THAP9: variants seen among roughly 807,000 people sequenced by gnomAD.
The protein encoded by THAP9 is THAP domain containing 9, also known as DNA transposase THAP9.
THAP9 carries 20 observed loss-of-function variants against 35.7 expected under a neutral mutation model. The ratio of observed to expected loss-of-function variants is 0.56; its 90% CI spans 0.39 to 0.81. The LOEUF is 0.81. Ranked by LOEUF, THAP9 falls within the 40% of genes least tolerant of loss-of-function variation. The probability of loss-of-function intolerance (pLI) is 0.00; values close to 1 mark genes in which losing one functional copy is unlikely to be tolerated. For missense variants in THAP9, 870 were observed against 1,047.4 expected (o/e 0.83, Z 2.34); for synonymous variants, 335 against 373.7 (o/e 0.90, Z 1.19).
In THAP9 at chr4:82,918,146, A is replaced by G. The variant is rs546664444; in HGVS notation, c.1934A>G (p.Tyr645Cys). ...QKAYYNLETR[Y>C]KFQDEVFLSK... ...GCTTACTATAATTTGGAGACCAGAT[A>G]CAAATTTCAAGATGAAGTTTTTCTA... The change falls in exon 5 of 5, where the codon TAC becomes TGC. Residue 645 changes from tyrosine (Y) to cysteine (C), a missense_variant. Coordinates refer to ENST00000302236, the MANE Select transcript of THAP9 (RefSeq NM_024672.6). 1.9e-5 allele frequency: 31 copies of G among 1,614,200 alleles called. No individual in the cohort carries two copies. The South Asian group carries it at 3.2e-4, about 17-fold the overall frequency.
intron 1 of THAP9, among the ~76,000 whole-genome samples, chr4:82,902,878 C>A (rs1486925378): frequency 6.6e-6 from 1 of 152,220 alleles, no homozygotes; most frequent in Non-Finnish European, 1.5e-5. Flanking sequence ...TACACTCTTA[C>A]TACAGCCCTG....
intron 3 of THAP9, among the ~76,000 whole-genome samples, chr4:82,907,340 C>T (rs1467326524): frequency 7.6e-6 from 1 of 131,330 alleles, no homozygotes; most frequent in Admixed American, 8.8e-5. Flanking sequence ...GGAATCCCCA[C>T]CAGGAACAGA....
Position 82,917,880 on chromosome 4 carries a change from A to G in THAP9, c.1668A>G (p.Thr556=), listed in dbSNP as rs1300199686. ...TTGAAGCCAAGACTATTTTTGTTAC[A>G]TTATCTGACACTAGCAATAATCAAA... The part of the protein sequence containing the change: ...VLIEAKTIFV[T]LSDTSNNQII... Residue 556 remains threonine (T), a synonymous_variant, in exon 5 of 5, where the codon ACA becomes ACG. Coordinates refer to ENST00000302236, the MANE Select transcript of THAP9 (RefSeq NM_024672.6). 3.1e-6 allele frequency: 5 copies of G among 1,613,296 alleles called. No homozygotes were observed. In the Admixed American group the frequency reaches 5.0e-5, roughly 16 times the overall value.
chr4:82,906,292 A>G (rs1720642380), intron 2 of THAP9, 32 bp from the exon 3 acceptor site: 1 of 1,494,138 alleles, frequency 6.7e-7, no homozygotes, highest in South Asian at 1.3e-5. Context: ...GATTATTTCT[A>G]AAATAACTTT....
In THAP9 at chr4:82,918,557, A is replaced by C. The variant is rs756901303; in HGVS notation, c.2345A>C (p.His782Pro). 2 of 1,614,068 alleles carry C rather than the reference A, an allele frequency of 1.2e-6. No individual in the cohort carries two copies. Among genetic ancestry groups the C allele is most frequent in the South Asian group, 2.2e-5 (2 of 91,076 alleles). Residue 782 changes from histidine to proline, a missense_variant, in exon 5 of 5, where the codon CAT becomes CCT. Physicochemically the swap from His to Pro is moderately conservative, Grantham distance 77. Transcript: ENST00000302236. ...ATTTGTGAGCGAGTTGTAAGAACCCATTCAAGAATGGCAATTTTTGAACTA... is the reference window on the plus strand; with the variant it reads ...ATTTGTGAGCGAGTTGTAAGAACCCCTTCAAGAATGGCAATTTTTGAACTA... ...INICERVVRTHSRMAIFELVS... is the reference protein window; with the variant it reads ...INICERVVRTPSRMAIFELVS...
chr4:82,907,983 A>G, intron 4 of THAP9, 48 bp downstream of exon 4: 1 of 1,557,792 alleles, frequency 6.4e-7, no homozygotes, highest in South Asian at 1.2e-5. Context: ...TCTTGTCAGG[A>G]CATCTTGTTG....
At chr4:82,905,920 A>G (rs755988084) in intron 2 of THAP9, 5 of 456,344 alleles carry the variant, frequency 1.1e-5, no homozygotes, top group Non-Finnish European at 1.8e-5. Context: ...CTAAGATTCA[A>G]ACCCAGGTCA....
chr4:82,905,791 C>A (rs973823281), intron 2 of THAP9: 24 of 449,074 alleles, frequency 5.3e-5, no homozygotes, highest in Non-Finnish European at 4.5e-6. Context: ...AGGCATTGTA[C>A]TAGGAGATTT....
chr4:82,914,133 A>G lies in THAP9; in HGVS notation c.732-2811A>G, dbSNP rs113855038. Among the ~76,000 whole-genome samples the G allele has an allele frequency of 2.6e-5, 4 of 152,354 alleles. No homozygotes were observed. In the East Asian group the frequency reaches 5.8e-4, roughly 22 times the overall value. ...GCTGAGGATAATAGCCTTCAGCTCT[A>G]TCCATGTTGCTGCAAAAGACATGAT... On this transcript the variant is annotated intron_variant, in intron 4 of 4. Transcript: ENST00000302236.
intron 1 of THAP9, among the ~76,000 whole-genome samples, chr4:82,904,037 G>T (rs1720536556): frequency 6.6e-6 from 1 of 151,116 alleles, no homozygotes; most frequent in Non-Finnish European, 1.5e-5. Context: ...CTCACTCAAG[G>T]GGAGGGGAAT....
At chr4:82,907,997 G>A in intron 4 of THAP9, 62 bp downstream of exon 4, 1 of 1,478,158 alleles carries the variant, frequency 6.8e-7, no homozygotes, top group South Asian at 1.2e-5. Context: ...CTTGTTGATT[G>A]CATGTTAATT....
At position 82,918,128 on chromosome 4, in the gene THAP9, A is replaced by G. The variant is rs748281070; in HGVS notation, c.1916A>G (p.Tyr639Cys). The part of the protein sequence containing the change: ...PTCMAFQKAY[Y>C]NLETRYKFQD... ...TGCATGGCATTCCAGAAAGCTTACT[A>G]TAATTTGGAGACCAGATACAAATTT... Residue 639 changes from tyrosine to cysteine, a missense_variant, in exon 5 of 5, where the codon TAT becomes TGT. Around this residue, in one of 3 missense-constraint regions of THAP9, gnomAD observed 414 missense variants for 500.8 expected, o/e 0.83. Transcript: ENST00000302236. 15 of 1,614,054 alleles carry G rather than the reference A, an allele frequency of 9.3e-6. No individual in the cohort carries two copies. The South Asian group carries it at 1.2e-4, about 13-fold the overall frequency.
At chr4:82,912,104 T>C (rs1462658413) in intron 4 of THAP9, among the ~76,000 whole-genome samples, 1 of 152,252 alleles carries the variant, frequency 6.6e-6, no homozygotes, top group African/African-American at 2.4e-5. Context: ...CCCTGGATTC[T>C]TTATGTCCAA....
chr4:82,910,438 TA>T (rs11306469), intron 4 of THAP9, among the ~76,000 whole-genome samples: 63,637 of 148,056 alleles, frequency 0.43, 16,342 homozygotes, highest in Admixed American at 0.58. Flanking sequence ...CCAAGTTAAA[TA>T]AAAAAAAAAA....
intron 1 of THAP9, among the ~76,000 whole-genome samples, chr4:82,902,557 A>G (rs1214538975): frequency 6.6e-6 from 1 of 152,162 alleles, no homozygotes; most frequent in Non-Finnish European, 1.5e-5. Context: ...CACGCTAGTA[A>G]TAGAAGTTGT....
chr4:82,906,284 T>G (rs534281757), intron 2 of THAP9, 40 bp from the exon 3 acceptor site: 2 of 1,466,156 alleles, frequency 1.4e-6, no homozygotes, highest in Non-Finnish European at 1.8e-6. Flanking sequence ...TTCTATGTGA[T>G]TATTTCTAAA....
In THAP9 at chr4:82,918,611, A is replaced by G. The variant is rs182366038; in HGVS notation, c.2399A>G (p.Gln800Arg). The change falls in exon 5 of 5, where the codon CAA becomes CGA. Residue 800 changes from glutamine (Q) to arginine (R), a missense_variant. This residue lies in a region of THAP9 where 414 missense variants were observed against 500.8 expected (regional missense o/e 0.83). Coordinates refer to ENST00000302236, the MANE Select transcript of THAP9 (RefSeq NM_024672.6). The part of the protein sequence containing the change: ...LVSKQRELYL[Q>R]QKILCELSGH... ...TCTAAACAAAGGGAATTGTATCTTC[A>G]ACAGAAAATATTATGTGAGCTTTCT... The G allele has an allele frequency of 6.9e-5, 112 of 1,614,100 alleles. No individual in the cohort carries two copies. The East Asian group carries it at 2.0e-3, about 29-fold the overall frequency.
chr4:82,905,523 T>C (rs1720611049), intron 2 of THAP9, among the ~76,000 whole-genome samples: 1 of 80,024 alleles, frequency 1.2e-5, no homozygotes, highest in African/African-American at 5.1e-5. Context: ...ACACTAGCCT[T>C]ACTTTCCTCT....
Position 82,918,173 on chromosome 4 carries a change from G to A in THAP9, c.1961G>A (p.Ser654Asn). The change falls in exon 5 of 5, where the codon AGC (serine) becomes AAC (asparagine). Residue 654 changes from serine (S) to asparagine (N), a missense_variant. Transcript: ENST00000302236. ...AAATTTCAAGATGAAGTTTTTCTAA[G>A]CAAAGTAAGCATCTTTGACATTTCA... is the stretch of plus-strand genomic sequence containing the variant. ...RYKFQDEVFL[S>N]KVSIFDISIA... 1.2e-6 allele frequency: 2 copies of A among 1,614,144 alleles called. No homozygotes were observed. Among genetic ancestry groups the A allele is most frequent in the Non-Finnish European group, 8.5e-7 (1 of 1,179,992 alleles).
Sources: gnomAD v4.1 joint callset for allele counts (sites outside exome capture counted in the v4.1 genomes callset) on GRCh38, gnomAD v4.1.1 for gene constraint, gnomAD v4.1.1 regional missense constraint, MANE v1.5 for transcripts, NCBI Gene and HGNC (gene_info 2026-07-23, HGNC 2026-07-21) for gene names.